CPS1: variants seen among roughly 807,000 people sequenced by gnomAD.
The protein encoded by CPS1 is carbamoyl-phosphate synthase [ammonia], mitochondrial.
CPS1 carries 109 observed loss-of-function variants against 174.6 expected under a neutral mutation model. The observed-to-expected ratio is 0.62, with a 90% confidence interval of 0.53 to 0.73. The LOEUF (loss-of-function observed/expected upper bound fraction) is 0.73, where lower values mean the gene tolerates loss of function less well. Among genes scored for constraint, CPS1 ranks in the 30% least tolerant of loss-of-function variants. The pLI is 0.00. For missense variants in CPS1, 1,689 were observed against 1,821.9 expected (o/e 0.93, Z 1.33); for synonymous variants, 637 against 632.0 (o/e 1.01, Z -0.12).
intron 1 of CPS1, among the ~76,000 whole-genome samples, chr2:210,501,575 G>A (rs893597882): frequency 2.0e-5 from 3 of 152,110 alleles, no homozygotes; most frequent in Admixed American, 1.3e-4. Context: ...GATCTCTAGG[G>A]CAGGGGCAAA....
chr2:210,585,788 G>T (rs980627487), intron 6 of CPS1, among the ~76,000 whole-genome samples: 1 of 151,772 alleles, frequency 6.6e-6, no homozygotes, highest in Non-Finnish European at 1.5e-5. Context: ...AAGGATTCAA[G>T]AATTTTAAAT....
chr2:210,590,532 G>T (rs914539109), intron 8 of CPS1, among the ~76,000 whole-genome samples: 1 of 151,982 alleles, frequency 6.6e-6, no homozygotes, highest in African/African-American at 2.4e-5. Context: ...ACAACTCATG[G>T]TTCCTTATCA....
intron 1 of CPS1, among the ~76,000 whole-genome samples, chr2:210,510,682 T>A (rs1695441509): frequency 1.3e-5 from 2 of 151,772 alleles, no homozygotes; most frequent in Admixed American, 1.3e-4. Context: ...TCAAACAAAT[T>A]TACAAGAAAA....
chr2:210,662,983 A>T, intron 32 of CPS1, 140 bp from the exon 33 acceptor site: 2 of 823,586 alleles, frequency 2.4e-6, no homozygotes, highest in South Asian at 3.2e-5. Flanking sequence ...GGATGCTTGG[A>T]CCCAAGAGAT....
At chr2:210,559,445 G>A (rs1369867507) in intron 1 of CPS1, among the ~76,000 whole-genome samples, 1 of 152,034 alleles carries the variant, frequency 6.6e-6, no homozygotes, top group Non-Finnish European at 1.5e-5. Flanking sequence ...ATTTGTCAGC[G>A]GCTAATATTT....
At chr2:210,592,009 A>T in intron 10 of CPS1, 40 bp downstream of exon 10, 1 of 1,595,878 alleles carries the variant, frequency 6.3e-7, no homozygotes, top group Non-Finnish European at 8.5e-7. Flanking sequence ...GGTGATGAGA[A>T]ACGCAGGGCT....
At chr2:210,673,875 A>T (rs1161742064) in intron 34 of CPS1, 1 of 152,138 alleles carries the variant, frequency 6.6e-6, no homozygotes, top group Non-Finnish European at 1.5e-5. Flanking sequence ...AACACAGTTT[A>T]ATAAGGTGTG....
At position 210,675,731 on chromosome 2, in the gene CPS1, T is replaced by C; in HGVS notation, c.4165T>C (p.Phe1389Leu). The C allele has an allele frequency of 6.5e-7, 1 of 1,536,704 alleles. No homozygotes were observed. Among genetic ancestry groups the C allele is most frequent in the East Asian group, 2.2e-5 (1 of 44,518 alleles). Residue 1389 changes from phenylalanine to leucine, a missense_variant, in exon 36 of 38, where the codon TTT (phenylalanine) becomes CTT (leucine). Transcript: ENST00000233072. ...GATTTTTTCATTTTAAATGCAGCTG[T>C]TTGCCACGGAAGCCACATCAGACTG... ...EQLHNEGFKL[F>L]ATEATSDWLN...
chr2:210,557,839 C>T (rs558590016), intron 1 of CPS1, among the ~76,000 whole-genome samples: 2 of 151,996 alleles, frequency 1.3e-5, no homozygotes, highest in African/African-American at 4.8e-5. Context: ...ATTGAGTTGA[C>T]TAAGCTTCTA....
At chr2:210,506,303 A>G (rs1695282629) in intron 1 of CPS1, among the ~76,000 whole-genome samples, 1 of 152,168 alleles carries the variant, frequency 6.6e-6, no homozygotes. Context: ...GCAAACTCCA[A>G]CAGACCTGCA....
At chr2:210,525,176 G>T (rs1695940396) in intron 1 of CPS1, among the ~76,000 whole-genome samples, 1 of 151,816 alleles carries the variant, frequency 6.6e-6, no homozygotes, top group Non-Finnish European at 1.5e-5. Flanking sequence ...CTTTGGTATG[G>T]CTGGGTATCC....
chr2:210,612,588 A>T (rs1001715380), intron 20 of CPS1, among the ~76,000 whole-genome samples: 1 of 151,856 alleles, frequency 6.6e-6, no homozygotes, highest in African/African-American at 2.4e-5. Flanking sequence ...CTTAGTACTA[A>T]TACTCAAGTA....
At position 210,576,392 on chromosome 2, in the gene CPS1, A is replaced by T. The variant is rs1293619595; in HGVS notation, c.283A>T (p.Thr95Ser). 1 of 1,613,794 alleles carries T rather than the reference A, an allele frequency of 6.2e-7. No individual in the cohort carries two copies. The highest frequency in any genetic ancestry group is 8.5e-7 in the Non-Finnish European group (1 of 1,179,746). Reference sequence around the variant, plus strand: ...CCCTGCCTACAAAGGACAGATTCTCACAATGGCCAACCCTATTATTGGGAA... The same window carrying T: ...CCCTGCCTACAAAGGACAGATTCTCTCAATGGCCAACCCTATTATTGGGAA... The part of the protein sequence containing the change: ...TDPAYKGQIL[T>S]MANPIIGNGG... Residue 95 changes from threonine to serine, a missense_variant, in exon 3 of 38, where the codon ACA becomes TCA. Coordinates refer to ENST00000233072, the MANE Select transcript of CPS1 (RefSeq NM_001875.5).
At chr2:210,663,225 T>C (rs771728624) in intron 33 of CPS1, 28 bp downstream of exon 33, 15 of 1,587,004 alleles carry the variant, frequency 9.5e-6, no homozygotes, top group Non-Finnish European at 1.2e-5. Context: ...CATGGAAGCT[T>C]TCATTAAATC....
chr2:210,652,362 G>A (rs962888420), intron 28 of CPS1, among the ~76,000 whole-genome samples: 5 of 152,162 alleles, frequency 3.3e-5, no homozygotes, highest in Admixed American at 2.6e-4. Context: ...TACACAGAGT[G>A]AATTATGGGG....
chr2:210,595,495 A>G lies in CPS1; in HGVS notation c.1272A>G (p.Lys424=), dbSNP rs1574567789. 1 of 1,609,108 alleles carries G rather than the reference A, an allele frequency of 6.2e-7. No individual in the cohort carries two copies. Among genetic ancestry groups the G allele is most frequent in the Admixed American group, 1.7e-5 (1 of 59,842 alleles). The change falls in exon 13 of 38, where the codon AAA becomes AAG. Residue 424 remains lysine (K), a synonymous_variant. Transcript: ENST00000233072. ...ALVASRVEVS[K]VLILGSGGLS... Reference sequence around the variant, plus strand: ...TTTCTTATTGCTTATAGGTTTCCAAAGTCCTTATTCTAGGATCAGGAGGTC... The same window carrying G: ...TTTCTTATTGCTTATAGGTTTCCAAGGTCCTTATTCTAGGATCAGGAGGTC...
chr2:210,660,385 CCA>C, intron 31 of CPS1, 98 bp from the exon 32 acceptor site: 5 of 1,190,842 alleles, frequency 4.2e-6, no homozygotes, highest in Non-Finnish European at 6.3e-6. Flanking sequence ...GAGCTGGTCC[CCA>C]GTTAATAACA....
chr2:210,516,665 A>G lies in CPS1; in HGVS notation c.3+38899A>G, dbSNP rs150178075. On this transcript the variant is annotated intron_variant, in intron 1 of 38. Coordinates refer to the CPS1 transcript ENST00000430249. ...GCACATGATGATTTGAACTCTGGTT[A>G]TCTCTACCTCATACCCCCACCTCAT... 4.5e-3 allele frequency among the ~76,000 whole-genome samples: 691 copies of G among 151,990 alleles called. 4 individuals carry two copies. The highest frequency in any genetic ancestry group is 6.1e-3 in the Non-Finnish European group (413 of 67,880).
At chr2:210,629,967 A>G (rs929855906) in intron 21 of CPS1, among the ~76,000 whole-genome samples, 2 of 151,450 alleles carry the variant, frequency 1.3e-5, no homozygotes, top group East Asian at 2.0e-4. Context: ...CAGCTACTCG[A>G]GAGGCTGAGG....
Sources: allele counts gnomAD v4.1 joint callset (sites outside exome capture counted in the v4.1 genomes callset), GRCh38; gene constraint gnomAD v4.1.1; transcripts MANE v1.5; gene names NCBI Gene and HGNC (gene_info 2026-07-23, HGNC 2026-07-21).